The following PTN variants were observed in gnomAD, a reference collection of about 807,000 sequenced individuals.
The protein encoded by PTN is pleiotrophin.
A neutral mutation model predicts 24.1 loss-of-function variants in PTN; 18 were observed. The observed-to-expected ratio is 0.75, with a 90% CI of 0.52 to 1.11. The LOEUF is 1.11. PTN is among the 50% of genes least tolerant of loss of function. The pLI is 0.00. For synonymous variants in PTN, 78 were observed against 68.6 expected, an observed-to-expected ratio of 1.14 and a Z score of -0.67; for missense variants, 163 against 198.8, an observed-to-expected ratio of 0.82 and a Z score of 1.08.
chr7:137,275,108 T>C (rs1222992414), intron 1 of PTN, among the ~76,000 whole-genome samples: 1 of 152,176 alleles, frequency 6.6e-6, no homozygotes, highest in East Asian at 1.9e-4. Flanking sequence ...TGTGGTTCTT[T>C]GAGGAAGAGA....
At chr7:137,274,341 G>A (rs1023755198) in intron 1 of PTN, among the ~76,000 whole-genome samples, 1 of 152,146 alleles carries the variant, frequency 6.6e-6, no homozygotes, top group Non-Finnish European at 1.5e-5. Flanking sequence ...CTAGTTAGGA[G>A]ATACAATAGT....
chr7:137,281,816 A>C (rs931655731), intron 1 of PTN, among the ~76,000 whole-genome samples: 3 of 152,252 alleles, frequency 2.0e-5, no homozygotes, highest in African/African-American at 7.2e-5. Flanking sequence ...ACATTTAATA[A>C]CCAATATGTA....
intron 1 of PTN, among the ~76,000 whole-genome samples, chr7:137,285,593 C>T (rs529166603): frequency 2.3e-4 from 35 of 152,258 alleles, no homozygotes; most frequent in African/African-American, 7.7e-4. Flanking sequence ...TCACTTGAAC[C>T]TGGGAGGTGG....
At chr7:137,299,237 C>T (rs1192269193) in intron 1 of PTN, among the ~76,000 whole-genome samples, 1 of 151,962 alleles carries the variant, frequency 6.6e-6, no homozygotes, top group African/African-American at 2.4e-5. Context: ...TACAACAAAA[C>T]TCTCAACTAT....
intron 4 of PTN, among the ~76,000 whole-genome samples, chr7:137,248,320 G>T (rs1259304571): frequency 6.6e-6 from 1 of 152,192 alleles, no homozygotes; most frequent in Non-Finnish European, 1.5e-5. Flanking sequence ...GTGTGTGTGT[G>T]TGTGAGTGTG....
In PTN at chr7:137,227,716, TA is replaced by T. The variant is rs145908029; in HGVS notation, c.*303del. ...CATTTAAATTGCTGCCCAAAAAATG[TA>T]AAAAAAATTTAATGTAAAATGTCAC... On this transcript the variant is annotated 3_prime_UTR_variant, in exon 5 of 5. Transcript: ENST00000348225. The T allele has an allele frequency of 0.17, 38,397 of 221,980 alleles. 3,753 individuals carry two copies. The highest frequency in any genetic ancestry group is 0.25 in the African/African-American group (10,808 of 44,110). 13.8% of individuals were successfully genotyped at this position (221,980 alleles called of 1,614,324 possible).
chr7:137,302,543 C>A (rs1809822903), intron 1 of PTN, among the ~76,000 whole-genome samples: 1 of 151,936 alleles, frequency 6.6e-6, no homozygotes, highest in Admixed American at 6.6e-5. Flanking sequence ...TACCAAATAT[C>A]ACAAGGACTT....
chr7:137,253,523 T>C lies in PTN; in HGVS notation c.230A>G (p.Lys77Arg). The change falls in exon 3 of 5, where the codon AAG (lysine) becomes AGG (arginine). Residue 77 changes from lysine (K) to arginine (R), a missense_variant. Transcript: ENST00000348225. The part of the protein sequence containing the change: ...REGTRTGAEC[K>R]QTMKTQRCKI... The stretch of plus-strand genomic sequence containing the variant: ...ACATCTCTGGGTCTTCATGGTTTGC[T>C]TGCACTCAGCTCCAGTCCGAGTGCC... 2.5e-6 allele frequency: 4 copies of C among 1,612,446 alleles called. No individual in the cohort carries two copies. The highest frequency in any genetic ancestry group is 3.4e-6 in the Non-Finnish European group (4 of 1,179,268).
At position 137,333,724 on chromosome 7, in the gene PTN, G is replaced by A. The variant is rs566021393; in HGVS notation, c.-2+9715C>T. On this transcript the variant is annotated intron_variant, in intron 1 of 4. Coordinates refer to ENST00000348225, the MANE Select transcript of PTN (RefSeq NM_002825.7). ...TTCATATGGAACCAAAAAAGAGCCT[G>A]CATCGCCAAGTCAATTCTAAGCCAA... Among the ~76,000 whole-genome samples the A allele has an allele frequency of 5.4e-3, 829 of 152,234 alleles. 8 individuals carry two copies. Among genetic ancestry groups the A allele is most frequent in the African/African-American group, 0.019 (786 of 41,532 alleles).
chr7:137,267,277 T>A (rs1266416913), intron 1 of PTN, among the ~76,000 whole-genome samples: 1 of 150,120 alleles, frequency 6.7e-6, no homozygotes, highest in Non-Finnish European at 1.5e-5. Context: ...TGTCTCTCTG[T>A]CTCTTCCTCT....
chr7:137,317,449 G>C (rs1810090740), intron 1 of PTN, among the ~76,000 whole-genome samples: 1 of 151,960 alleles, frequency 6.6e-6, no homozygotes, highest in South Asian at 2.1e-4. Flanking sequence ...AAAGAGTGTG[G>C]GAGGAATCCT....
intron 1 of PTN, among the ~76,000 whole-genome samples, chr7:137,341,204 T>C (rs1810528152): frequency 6.6e-6 from 1 of 152,124 alleles, no homozygotes; most frequent in African/African-American, 2.4e-5. Context: ...TTGATTTTAC[T>C]AAAAAAAGTG....
At position 137,319,771 on chromosome 7, in the gene PTN, G is replaced by A. The variant is rs536945511; in HGVS notation, c.-2+23668C>T. ...ATACTTTTGCCGGAATGGGCTGGGC[G>A]GGTACCTGCACTCCAGCTTCATACA... is the stretch of plus-strand genomic sequence containing the variant. On this transcript the variant is annotated intron_variant, in intron 1 of 4. Transcript: ENST00000348225. Among the ~76,000 whole-genome samples the A allele has an allele frequency of 7.3e-4, 111 of 152,326 alleles. 1 individual carries two copies. Among genetic ancestry groups the A allele is most frequent in the African/African-American group, 2.5e-3 (104 of 41,568 alleles).
chr7:137,307,086 A>G (rs748660753), intron 1 of PTN, among the ~76,000 whole-genome samples: 4 of 152,160 alleles, frequency 2.6e-5, no homozygotes, highest in Non-Finnish European at 5.9e-5. Flanking sequence ...TCAATTAGGT[A>G]TCGGTGGCAT....
chr7:137,343,204 TCTTTC>T (rs765811020), intron 1 of PTN, among the ~76,000 whole-genome samples: 19 of 152,102 alleles, frequency 1.2e-4, no homozygotes, highest in Non-Finnish European at 2.8e-4. Flanking sequence ...CACAAAAACT[TCTTTC>T]CTTTCACTTA....
chr7:137,280,439 T>C (rs1457123277), intron 1 of PTN, among the ~76,000 whole-genome samples: 1 of 151,300 alleles, frequency 6.6e-6, no homozygotes, highest in African/African-American at 2.4e-5. Flanking sequence ...TAAGAAGACA[T>C]AGAGTAAGGA....
chr7:137,308,841 T>C (rs1809932117), intron 1 of PTN, among the ~76,000 whole-genome samples: 1 of 152,166 alleles, frequency 6.6e-6, no homozygotes, highest in South Asian at 2.1e-4. Context: ...TAAACTTACT[T>C]GGTTTCCCTA....
intron 1 of PTN, among the ~76,000 whole-genome samples, chr7:137,315,917 C>G (rs1810063719): frequency 6.6e-6 from 1 of 152,088 alleles, no homozygotes; most frequent in Non-Finnish European, 1.5e-5. Flanking sequence ...AAAATGCACC[C>G]TACTAGATTG....
At chr7:137,272,624 T>C (rs1005190243) in intron 1 of PTN, among the ~76,000 whole-genome samples, 11 of 152,266 alleles carry the variant, frequency 7.2e-5, no homozygotes, top group African/African-American at 2.7e-4. Context: ...GACCATTATA[T>C]TTAGTAACTA....
Sources: gnomAD v4.1 joint callset for allele counts (sites outside exome capture counted in the v4.1 genomes callset) on GRCh38, gnomAD v4.1.1 for gene constraint, MANE v1.5 for transcripts, NCBI Gene and HGNC (gene_info 2026-07-23, HGNC 2026-07-21) for gene names.